Variants in SMCO4 observed in about 807,000 individuals in gnomAD.
SMCO4 encodes the protein single-pass membrane protein with coiled-coil domains 4.
In SMCO4, 4 loss-of-function variants were observed where a neutral mutation model predicts 3.6. The ratio of observed to expected loss-of-function variants is 1.11; its 90% confidence interval spans 0.54 to 2.53. The LOEUF (loss-of-function observed/expected upper bound fraction) is 2.53, where lower values mean the gene tolerates loss of function less well. SMCO4 is among the 30% of genes most tolerant of loss of function. SMCO4 has a pLI of 0.02. For synonymous variants in SMCO4, 36 were observed against 35.3 expected (o/e 1.02, Z -0.07); for missense variants, 70 against 80.8 (o/e 0.87, Z 0.51).
upstream of SMCO4, among the ~76,000 whole-genome samples, chr11:93,547,553 GA>G (rs1430312495): frequency 6.6e-6 from 1 of 151,840 alleles, no homozygotes; most frequent in Non-Finnish European, 1.5e-5. Context: ...TGTGTCTCTC[GA>G]ATTCTCCCTC....
rs139472678 is a variant in SMCO4 at position 93,501,554 on chromosome 11, C to T, written c.-153-2206G>A. On this transcript the variant is annotated intron_variant, in intron 1 of 2. Coordinates refer to ENST00000298966, the MANE Select transcript of SMCO4 (RefSeq NM_020179.3). ...TATGCCCTCTCCTCTTGGCACACTG[C>T]CTTCTCTTCTGTGTCAAATCTCTCT... Among the ~76,000 whole-genome samples the T allele has an allele frequency of 8.5e-5, 13 of 152,312 alleles. No individual in the cohort carries two copies. The East Asian group carries it at 2.5e-3, about 29-fold the overall frequency.
At chr11:93,540,257 G>A (rs572676318) in intron 1 of SMCO4, among the ~76,000 whole-genome samples, 2 of 152,202 alleles carry the variant, frequency 1.3e-5, no homozygotes, top group South Asian at 4.1e-4. Context: ...GCAAGGGAAA[G>A]GAGTGGATGC....
At chr11:93,533,549 G>A (rs1294165325) in intron 1 of SMCO4, among the ~76,000 whole-genome samples, 1 of 152,110 alleles carries the variant, frequency 6.6e-6, no homozygotes, top group South Asian at 2.1e-4. Context: ...GGCTTTCAGG[G>A]CCCCACTCAG....
At chr11:93,529,960 T>A (rs984856559) in intron 1 of SMCO4, among the ~76,000 whole-genome samples, 1 of 152,216 alleles carries the variant, frequency 6.6e-6, no homozygotes, top group Non-Finnish European at 1.5e-5. Context: ...CACACAGCCA[T>A]CTACTCACTG....
intron 2 of SMCO4, among the ~76,000 whole-genome samples, chr11:93,481,201 T>C (rs1420280196): frequency 6.6e-6 from 1 of 152,226 alleles, no homozygotes; most frequent in Non-Finnish European, 1.5e-5. Flanking sequence ...TTTGAGCAAG[T>C]CACTTAACTC....
chr11:93,512,651 G>T (rs190753719), intron 1 of SMCO4, among the ~76,000 whole-genome samples: 3 of 152,178 alleles, frequency 2.0e-5, no homozygotes, highest in Non-Finnish European at 4.4e-5. Context: ...TGTAGCCTAG[G>T]AGCAATAGGC....
In SMCO4 at chr11:93,478,762, C is replaced by T. The variant is rs531264984; in HGVS notation, c.*248G>A. On this transcript the variant is annotated 3_prime_UTR_variant, in exon 3 of 3. Coordinates refer to ENST00000298966, the MANE Select transcript of SMCO4 (RefSeq NM_020179.3). ...ACACACACACACACACATGCGCGCG[C>T]GCTTTGAAGTCTGAAAGGCACATGA... 2.3e-5 allele frequency: 24 copies of T among 1,054,554 alleles called. No individual in the cohort carries two copies. The highest frequency in any genetic ancestry group is 3.5e-4 in the Middle Eastern group (1 of 2,898). The allele number at this position is 1,054,554 out of a possible 1,614,324, so 65.3% of individuals were successfully genotyped here.
In SMCO4 at chr11:93,541,745, T is replaced by C. The variant is rs893041332; in HGVS notation, c.-154+1531A>G. On this transcript the variant is annotated intron_variant, in intron 1 of 2. Transcript: ENST00000298966. ...AGTACCAACTACTATTAGTTTTTTG[T>C]TGTTTTGCTTTTTGCAATATTTCTT... is the stretch of plus-strand genomic sequence containing the variant. Among the ~76,000 whole-genome samples, 6 of 152,366 alleles carry C rather than the reference T, an allele frequency of 3.9e-5. No individual in the cohort carries two copies. In the South Asian group the frequency reaches 1.0e-3, roughly 26 times the overall value.
intron 1 of SMCO4, among the ~76,000 whole-genome samples, chr11:93,522,315 T>TTA (rs1949065405): frequency 6.6e-6 from 1 of 152,216 alleles, no homozygotes; most frequent in African/African-American, 2.4e-5. Context: ...GATCTTGGTC[T>TTA]ATAAAACAGA....
At chr11:93,530,756 T>G (rs1591326745) in intron 1 of SMCO4, among the ~76,000 whole-genome samples, 1 of 152,084 alleles carries the variant, frequency 6.6e-6, no homozygotes, top group Non-Finnish European at 1.5e-5. Flanking sequence ...ATCCTCTTCC[T>G]CCACACAGCA....
rs189958548 is a variant in SMCO4, at chr11:93,517,308, G to A, written c.-153-17960C>T. Among the ~76,000 whole-genome samples, 331 of 152,238 alleles carry A rather than the reference G, an allele frequency of 2.2e-3. 2 individuals are homozygous for A. The highest frequency in any genetic ancestry group is 7.2e-3 in the African/African-American group (300 of 41,540). The stretch of plus-strand genomic sequence containing the variant: ...ACCCTACTGCTGCCTTACGACTGCC[G>A]TAATCCAATTGGTTTTTTCTTCTTT... On this transcript the variant is annotated intron_variant, in intron 1 of 2. Coordinates refer to ENST00000298966, the MANE Select transcript of SMCO4 (RefSeq NM_020179.3).
the SMCO4 span, among the ~76,000 whole-genome samples, chr11:93,548,394 C>T: frequency 2.0e-5 from 3 of 152,212 alleles, no homozygotes; most frequent in African/African-American, 7.2e-5. Flanking sequence ...CAGAAATTCT[C>T]ACTTTATAAT....
intron 1 of SMCO4, among the ~76,000 whole-genome samples, chr11:93,536,994 G>GA (rs1949232043): frequency 1.3e-5 from 2 of 152,316 alleles, no homozygotes; most frequent in South Asian, 4.1e-4. Flanking sequence ...GGGATGCAAG[G>GA]AAAACATCTG....
chr11:93,494,119 A>T (rs1475785244), intron 2 of SMCO4, among the ~76,000 whole-genome samples: 1 of 152,192 alleles, frequency 6.6e-6, no homozygotes, highest in East Asian at 1.9e-4. Context: ...CCATGGAGGC[A>T]AGGCAAGGGA....
chr11:93,507,079 CT>C (rs1948912018), intron 1 of SMCO4, among the ~76,000 whole-genome samples: 1 of 152,078 alleles, frequency 6.6e-6, no homozygotes, highest in Admixed American at 6.5e-5. Flanking sequence ...GTATTTGTTG[CT>C]AAAGACAAAT....
intron 1 of SMCO4, among the ~76,000 whole-genome samples, chr11:93,518,322 T>C (rs1013011155): frequency 1.4e-4 from 21 of 152,236 alleles, no homozygotes; most frequent in African/African-American, 4.3e-4. Flanking sequence ...TGTACAGATA[T>C]GGAGATACCA....
At chr11:93,481,412 A>C (rs1948590899) in intron 2 of SMCO4, 2 of 985,172 alleles carry the variant, frequency 2.0e-6, no homozygotes, top group South Asian at 9.4e-5. Flanking sequence ...GCCTGACTGC[A>C]GCCTTGAGTG....
upstream of SMCO4, among the ~76,000 whole-genome samples, chr11:93,545,474 C>G (rs966989487): frequency 2.0e-5 from 3 of 151,170 alleles, no homozygotes; most frequent in African/African-American, 4.9e-5. Context: ...ATAATCCCAG[C>G]TACTTGGGAG....
chr11:93,521,760 A>C (rs1437929677), intron 1 of SMCO4, among the ~76,000 whole-genome samples: 2 of 152,222 alleles, frequency 1.3e-5, no homozygotes, highest in African/African-American at 4.8e-5. Flanking sequence ...CAGACCAACC[A>C]ATCAGCTAAG....
Sources: allele counts gnomAD v4.1 joint callset (sites outside exome capture counted in the v4.1 genomes callset), GRCh38; gene constraint gnomAD v4.1.1; transcripts MANE v1.5; gene names NCBI Gene and HGNC (gene_info 2026-07-23, HGNC 2026-07-21).